Variants in B3GALT1 observed in about 807,000 individuals in gnomAD.
The protein encoded by B3GALT1 is UDP-Gal:betaGlcNAc beta 1,3-galactosyltransferase, polypeptide 1.
Under a neutral mutation model 23.2 loss-of-function variants are expected in B3GALT1, and 10 were observed. The ratio of observed to expected loss-of-function variants is 0.43; its 90% CI spans 0.27 to 0.73. The LOEUF is 0.73. Ranked by LOEUF, B3GALT1 falls within the 30% of genes least tolerant of loss-of-function variation. The pLI, the probability that B3GALT1 is intolerant of heterozygous loss-of-function variation, is 0.21. For missense variants in B3GALT1, 299 were observed against 405.4 expected (o/e 0.74, Z 2.25); for synonymous variants, 156 against 141.5 (o/e 1.10, Z -0.73).
chr2:167,466,387 G>A (rs1394821732), intron 1 of B3GALT1, among the ~76,000 whole-genome samples: 1 of 151,976 alleles, frequency 6.6e-6, no homozygotes, highest in Non-Finnish European at 1.5e-5. Context: ...GGAGGCTGAG[G>A]AGGGTGGATC....
At chr2:167,849,313 C>T (rs923023335) in intron 4 of B3GALT1, among the ~76,000 whole-genome samples, 2 of 152,272 alleles carry the variant, frequency 1.3e-5, no homozygotes, top group African/African-American at 4.8e-5. Context: ...AGGCATCACA[C>T]GACCTGATTT....
At chr2:167,733,923 T>C (rs1687451443) in intron 3 of B3GALT1, among the ~76,000 whole-genome samples, 1 of 152,188 alleles carries the variant, frequency 6.6e-6, no homozygotes, top group African/African-American at 2.4e-5. Context: ...CCAAATTCAC[T>C]TGAAAGTACC....
chr2:167,576,855 C>T (rs1684397738), intron 2 of B3GALT1, among the ~76,000 whole-genome samples: 1 of 151,752 alleles, frequency 6.6e-6, no homozygotes, highest in Non-Finnish European at 1.5e-5. Context: ...CCTGCCTTAT[C>T]TTCTTGCCAC....
chr2:167,808,020 C>T (rs1688794516), intron 3 of B3GALT1, among the ~76,000 whole-genome samples: 1 of 152,034 alleles, frequency 6.6e-6, no homozygotes, highest in East Asian at 1.9e-4. Context: ...GGATAGTTAG[C>T]TCTTCTTGTT....
intron 3 of B3GALT1, among the ~76,000 whole-genome samples, chr2:167,798,347 G>A (rs1253146919): frequency 1.3e-5 from 2 of 152,114 alleles, no homozygotes; most frequent in African/African-American, 2.4e-5. Context: ...TTTTCATCAT[G>A]AAATCTTTGC....
chr2:167,431,383 A>G (rs560926262), intron 1 of B3GALT1, among the ~76,000 whole-genome samples: 15 of 152,208 alleles, frequency 9.9e-5, no homozygotes, highest in Non-Finnish European at 1.9e-4. Context: ...TTTTAATTTT[A>G]AAGTAATACA....
chr2:167,820,725 A>G (rs935738111), intron 4 of B3GALT1, among the ~76,000 whole-genome samples: 7 of 152,332 alleles, frequency 4.6e-5, no homozygotes, highest in Admixed American at 2.0e-4. Context: ...TATCCTGACT[A>G]TTATTATTAG....
chr2:167,803,837 G>A (rs1312046909), intron 3 of B3GALT1, among the ~76,000 whole-genome samples: 1 of 152,138 alleles, frequency 6.6e-6, no homozygotes, highest in African/African-American at 2.4e-5. Context: ...ATCCTATTGA[G>A]TAGTGAGCAG....
chr2:167,497,651 A>C (rs1699799006), intron 2 of B3GALT1, among the ~76,000 whole-genome samples: 1 of 152,124 alleles, frequency 6.6e-6, no homozygotes, highest in African/African-American at 2.4e-5. Flanking sequence ...GAAGTCAGCA[A>C]AACCAGGATT....
intron 2 of B3GALT1, among the ~76,000 whole-genome samples, chr2:167,568,818 G>A (rs1231642227): frequency 6.6e-6 from 1 of 151,590 alleles, no homozygotes; most frequent in South Asian, 2.1e-4. Context: ...AGATCATCAA[G>A]ATTTTCTTTC....
chr2:167,519,452 C>T (rs2105360187), intron 2 of B3GALT1, among the ~76,000 whole-genome samples: 1 of 152,156 alleles, frequency 6.6e-6, no homozygotes, highest in East Asian at 1.9e-4. Context: ...TTGTATATTG[C>T]AAATCTTTGC....
intron 3 of B3GALT1, among the ~76,000 whole-genome samples, chr2:167,742,109 C>T (rs1399843125): frequency 6.6e-6 from 1 of 152,146 alleles, no homozygotes; most frequent in Non-Finnish European, 1.5e-5. Context: ...TGTGCATCTA[C>T]CTTTCCAGGT....
At chr2:167,777,003 C>A (rs1688172617) in intron 3 of B3GALT1, among the ~76,000 whole-genome samples, 1 of 151,938 alleles carries the variant, frequency 6.6e-6, no homozygotes, top group African/African-American at 2.4e-5. Context: ...TTTTTACGGT[C>A]AAGTAATGAT....
At chr2:167,417,393 A>G (rs1698487552) in intron 1 of B3GALT1, among the ~76,000 whole-genome samples, 1 of 152,190 alleles carries the variant, frequency 6.6e-6, no homozygotes, top group Non-Finnish European at 1.5e-5. Flanking sequence ...CCCATCAGCT[A>G]GAAGGTTCTC....
intron 1 of B3GALT1, among the ~76,000 whole-genome samples, chr2:167,390,550 C>G (rs184461271): frequency 6.6e-6 from 1 of 152,296 alleles, no homozygotes; most frequent in African/African-American, 2.4e-5. Context: ...ACTACCTTCT[C>G]TTTATCTCCA....
chr2:167,429,173 T>G (rs1698669004), intron 1 of B3GALT1, among the ~76,000 whole-genome samples: 1 of 149,818 alleles, frequency 6.7e-6, no homozygotes, highest in African/African-American at 2.5e-5. Flanking sequence ...CCCAGCTACT[T>G]GGGAGGCTGA....
intron 3 of B3GALT1, among the ~76,000 whole-genome samples, chr2:167,757,650 A>G: frequency 6.6e-6 from 1 of 152,144 alleles, no homozygotes; most frequent in East Asian, 1.9e-4. Flanking sequence ...ACTGATCACA[A>G]TCTGAAAAGG....
chr2:167,426,563 A>G (rs182504058), intron 1 of B3GALT1, among the ~76,000 whole-genome samples: 1 of 152,200 alleles, frequency 6.6e-6, no homozygotes, highest in East Asian at 1.9e-4. Context: ...AGCCATTACC[A>G]ATTTATAATG....
chr2:167,432,004 G>A (rs1330664869), intron 1 of B3GALT1, among the ~76,000 whole-genome samples: 1 of 152,086 alleles, frequency 6.6e-6, no homozygotes. Flanking sequence ...TTAAATCATG[G>A]GCCTAGAAGA....
Sources: allele counts gnomAD v4.1 joint callset (sites outside exome capture counted in the v4.1 genomes callset), GRCh38; gene constraint gnomAD v4.1.1; transcripts MANE v1.5; gene names NCBI Gene and HGNC (gene_info 2026-07-23, HGNC 2026-07-21).